The following RAP1A variants were observed in gnomAD, a reference collection of about 807,000 sequenced individuals.
RAP1A encodes ras-related protein Rap-1A.
Under a neutral mutation model 26.4 loss-of-function variants are expected in RAP1A, and 6 were observed. The observed-to-expected ratio is 0.23, with a 90% CI of 0.12 to 0.45. The LOEUF (loss-of-function observed/expected upper bound fraction) is 0.45, where lower values mean the gene tolerates loss of function less well. RAP1A is among the 20% of genes least tolerant of loss of function. The probability of loss-of-function intolerance (pLI) is 0.99; values close to 1 mark genes in which losing one functional copy is unlikely to be tolerated. For synonymous variants in RAP1A, 73 were observed against 79.4 expected (o/e 0.92, Z 0.43); for missense variants, 121 against 217.2 (o/e 0.56, Z 2.78).
chr1:111,625,323 C>CT (rs567583140), intron 1 of RAP1A, among the ~76,000 whole-genome samples: 38 of 147,164 alleles, frequency 2.6e-4, no homozygotes, highest in Admixed American at 1.1e-3. Context: ...TAACTGTTTT[C>CT]TTTTTTTTTT....
intron 1 of RAP1A, among the ~76,000 whole-genome samples, chr1:111,648,004 A>T (rs1660125944): frequency 6.6e-6 from 1 of 152,220 alleles, no homozygotes; most frequent in East Asian, 1.9e-4. Context: ...TTTTCTGTTT[A>T]ACATTTCTTA....
chr1:111,561,123 G>GGTTT (rs1004112234), intron 1 of RAP1A, among the ~76,000 whole-genome samples: 2 of 152,106 alleles, frequency 1.3e-5, no homozygotes, highest in South Asian at 4.2e-4. Context: ...TTTGTTTGTT[G>GGTTT]GTTTGTTTGT....
intron 1 of RAP1A, among the ~76,000 whole-genome samples, chr1:111,637,137 T>TA (rs1659751176): frequency 6.6e-6 from 1 of 152,140 alleles, no homozygotes; most frequent in Admixed American, 6.5e-5. Context: ...GTGTTATTTT[T>TA]AAAAAATGGT....
chr1:111,582,425 C>T (rs1358058761), intron 1 of RAP1A, among the ~76,000 whole-genome samples: 1 of 152,008 alleles, frequency 6.6e-6, no homozygotes, highest in African/African-American at 2.4e-5. Flanking sequence ...TTTCTTTTGC[C>T]CAGTACTATA....
At chr1:111,574,659 A>G (rs1271431551) in intron 1 of RAP1A, among the ~76,000 whole-genome samples, 2 of 152,210 alleles carry the variant, frequency 1.3e-5, no homozygotes, top group African/African-American at 4.8e-5. Context: ...TTCTCACTGT[A>G]GAGATCTTTC....
chr1:111,550,370 T>C (rs1657211294), intron 1 of RAP1A, among the ~76,000 whole-genome samples: 1 of 152,166 alleles, frequency 6.6e-6, no homozygotes, highest in Non-Finnish European at 1.5e-5. Flanking sequence ...TTTTCTTGCT[T>C]TGGGTTCAGT....
chr1:111,711,314 A>G (rs368361537), intron 7 of RAP1A, among the ~76,000 whole-genome samples: 1 of 152,190 alleles, frequency 6.6e-6, no homozygotes, highest in Non-Finnish European at 1.5e-5. Context: ...GCTCATTACC[A>G]TGGCTGGCCC....
intron 1 of RAP1A, among the ~76,000 whole-genome samples, chr1:111,642,825 G>C (rs181965867): frequency 1.5e-5 from 2 of 129,164 alleles, no homozygotes; most frequent in Non-Finnish European, 3.2e-5. Context: ...TCGCTGTGTC[G>C]CCCAGGCTGG....
intron 1 of RAP1A, among the ~76,000 whole-genome samples, chr1:111,638,865 A>G (rs1260436076): frequency 6.8e-6 from 1 of 146,370 alleles, no homozygotes; most frequent in Admixed American, 6.8e-5. Flanking sequence ...GTTGGTTTTT[A>G]TCTTTTTTTT....
chr1:111,595,393 C>G (rs1260916251), intron 1 of RAP1A, among the ~76,000 whole-genome samples: 1 of 152,082 alleles, frequency 6.6e-6, no homozygotes, highest in Non-Finnish European at 1.5e-5. Context: ...GTAAGGTCAC[C>G]AGCCCTCTAG....
intron 1 of RAP1A, among the ~76,000 whole-genome samples, chr1:111,676,201 C>A (rs886616881): frequency 1.3e-5 from 2 of 152,042 alleles, no homozygotes; most frequent in African/African-American, 4.8e-5. Flanking sequence ...ACTAAAAATA[C>A]AAAAATTAGC....
At chr1:111,622,381 A>G (rs748449360) in intron 1 of RAP1A, among the ~76,000 whole-genome samples, 3 of 151,550 alleles carry the variant, frequency 2.0e-5, no homozygotes, top group Non-Finnish European at 4.4e-5. Flanking sequence ...TACTCCAGCC[A>G]CACTGGCCTC....
At chr1:111,584,843 A>T (rs1349763498) in intron 1 of RAP1A, among the ~76,000 whole-genome samples, 1 of 152,246 alleles carries the variant, frequency 6.6e-6, no homozygotes, top group African/African-American at 2.4e-5. Context: ...TATGAGGCTT[A>T]TTCAGTTAAA....
chr1:111,644,996 T>C (rs953815529), intron 1 of RAP1A, among the ~76,000 whole-genome samples: 2 of 152,222 alleles, frequency 1.3e-5, no homozygotes, highest in African/African-American at 4.8e-5. Flanking sequence ...ACAATCAGAA[T>C]ATTATATCTC....
intron 1 of RAP1A, among the ~76,000 whole-genome samples, chr1:111,681,547 G>A (rs1006217291): frequency 6.6e-6 from 1 of 152,174 alleles, no homozygotes; most frequent in African/African-American, 2.4e-5. Context: ...AGAACTTTGT[G>A]AAGCATACAC....
chr1:111,592,191 TACA>T (rs1658484410), intron 1 of RAP1A, among the ~76,000 whole-genome samples: 1 of 152,228 alleles, frequency 6.6e-6, no homozygotes, highest in Non-Finnish European at 1.5e-5. Context: ...GAACACAGTC[TACA>T]ACAAGGCAGG....
At chr1:111,593,330 T>C (rs1658503213) in intron 1 of RAP1A, among the ~76,000 whole-genome samples, 1 of 152,368 alleles carries the variant, frequency 6.6e-6, no homozygotes, top group South Asian at 2.1e-4. Flanking sequence ...TGCAATGATA[T>C]TGCTCTAGGG....
chr1:111,567,191 A>C (rs185332014), intron 1 of RAP1A, among the ~76,000 whole-genome samples: 1 of 152,304 alleles, frequency 6.6e-6, no homozygotes, highest in East Asian at 1.9e-4. Context: ...TACATTATGA[A>C]TGCAGTTATA....
intron 1 of RAP1A, among the ~76,000 whole-genome samples, chr1:111,596,383 T>C (rs1658564111): frequency 6.6e-6 from 1 of 152,200 alleles, no homozygotes; most frequent in Non-Finnish European, 1.5e-5. Context: ...CCTTGGGACA[T>C]AGTATGGTTG....
Sources: gnomAD v4.1 joint callset for allele counts (sites outside exome capture counted in the v4.1 genomes callset) on GRCh38, gnomAD v4.1.1 for gene constraint, MANE v1.5 for transcripts, NCBI Gene and HGNC (gene_info 2026-07-23, HGNC 2026-07-21) for gene names.